The following PCID2 variants were observed in gnomAD, a reference collection of about 807,000 sequenced individuals.
PCID2 encodes PCI domain containing 2.
In PCID2, 41 loss-of-function variants were observed where a neutral mutation model predicts 61.3. The ratio of observed to expected loss-of-function variants is 0.67; its 90% CI spans 0.52 to 0.87. The LOEUF (loss-of-function observed/expected upper bound fraction) is 0.87. Among genes scored for constraint, PCID2 ranks in the 40% least tolerant of loss-of-function variants. The pLI is 0.00. For synonymous variants in PCID2, 187 were observed against 177.8 expected, an observed-to-expected ratio of 1.05 and a Z score of -0.41; for missense variants, 392 against 493.4, an observed-to-expected ratio of 0.79 and a Z score of 1.95.
rs749489503 is a variant in PCID2, at chr13:113,208,581, T to C, written c.36+18A>G. On this transcript the variant is annotated intron_variant, in intron 1 of 13. Transcript: ENST00000337344. ...GAGGGCCAACCACGCCGCCGCGCGCTCCCCGGCTAGGACCCACCTGCTGCA... is the reference window on the plus strand; with the variant it reads ...GAGGGCCAACCACGCCGCCGCGCGCCCCCCGGCTAGGACCCACCTGCTGCA... 1.9e-6 allele frequency: 3 copies of C among 1,606,678 alleles called. No homozygotes were observed. In the East Asian group the frequency reaches 6.7e-5, roughly 36 times the overall value.
rs115217477 is a variant in PCID2, at chr13:113,199,741, C to T, written c.126+686G>A. On this transcript the variant is annotated intron_variant, in intron 2 of 13. Transcript: ENST00000337344. ...GAGCAATGGTTTTCAACACTGTCTA[C>T]ACATAGAATCACCTAGGTAACTTTA... Among the ~76,000 whole-genome samples the T allele has an allele frequency of 7.2e-3, 1,095 of 152,320 alleles. 18 individuals carry two copies. Among genetic ancestry groups the T allele is most frequent in the African/African-American group, 0.025 (1,023 of 41,568 alleles).
chr13:113,171,025 C>T, the PCID2 span, among the ~76,000 whole-genome samples: 1 of 151,922 alleles, frequency 6.6e-6, no homozygotes, highest in Non-Finnish European at 1.5e-5. The surrounding 1 kb of genome is among the most constrained non-coding windows in gnomAD (Gnocchi z 5.1). Context: ...TGGGTTCAAG[C>T]GATTCTCATG....
intron 1 of PCID2, among the ~76,000 whole-genome samples, chr13:113,204,830 A>G (rs2039688043): frequency 6.6e-6 from 1 of 152,226 alleles, no homozygotes. Context: ...GACCCCTAGC[A>G]GCCCAGCCAC....
the PCID2 span, chr13:113,171,766 T>A: frequency 2.5e-6 from 4 of 1,612,234 alleles, no homozygotes; most frequent in East Asian, 8.9e-5. The surrounding 1 kb of genome is among the most constrained non-coding windows in gnomAD (Gnocchi z 5.1). Flanking sequence ...AAGACTTCGC[T>A]GAGCACCTCC....
rs1417761539 is a variant in PCID2 at position 113,185,577 on chromosome 13, T to A, written c.468-17A>T. The A allele has an allele frequency of 5.2e-6, 8 of 1,547,390 alleles. No homozygotes were observed. The South Asian group carries it at 9.1e-5, about 18-fold the overall frequency. Reference sequence around the variant, plus strand: ...CCAGCACGGCTATGGGGAAATAATTTTTTTTAAGTTACATAGGAAATAAAA... The same window carrying A: ...CCAGCACGGCTATGGGGAAATAATTATTTTTAAGTTACATAGGAAATAAAA... On this transcript the variant is annotated splice_polypyrimidine_tract_variant and intron_variant, in intron 7 of 13. Coordinates refer to ENST00000337344, the MANE Select transcript of PCID2 (RefSeq NM_001127202.4).
chr13:113,190,826 A>C (rs906232680), intron 7 of PCID2, 46 bp downstream of exon 7: 3 of 1,181,400 alleles, frequency 2.5e-6, no homozygotes, highest in South Asian at 2.7e-5. Flanking sequence ...TGCAATGAAA[A>C]CACCACCAAC....
At chr13:113,165,877 A>G in the PCID2 span, among the ~76,000 whole-genome samples, 1 of 152,192 alleles carries the variant, frequency 6.6e-6, no homozygotes, top group South Asian at 2.1e-4. Flanking sequence ...TGACACATAA[A>G]CATCCATATT....
chr13:113,190,852 GTCC>G lies in PCID2; in HGVS notation c.467+17_467+19del, dbSNP rs762772855. On this transcript the variant is annotated intron_variant, in intron 7 of 13. Coordinates refer to ENST00000337344, the MANE Select transcript of PCID2 (RefSeq NM_001127202.4). ...CACCACCAACAGCGTCTGGTGGTCG[GTCC>G]TCAAGTCCTTACTCACGTGTCGCTG... 7.3e-6 allele frequency: 11 copies of G among 1,511,548 alleles called. No individual in the cohort carries two copies. In the Admixed American group the frequency reaches 1.9e-4, roughly 26 times the overall value. 93.6% of individuals were successfully genotyped at this position (1,511,548 alleles called of 1,614,324 possible).
rs1566941091 is a variant in PCID2 at position 113,180,018 on chromosome 13, G to GC, written c.884_885insG (p.His295GlnfsTer33). 1.4e-5 allele frequency: 22 copies of GC among 1,613,990 alleles called. No individual in the cohort carries two copies. Among genetic ancestry groups the GC allele is most frequent in the Non-Finnish European group, 1.7e-5 (20 of 1,180,006 alleles). On this transcript the variant is annotated frameshift_variant, in exon 12 of 14. Coordinates refer to ENST00000337344, the MANE Select transcript of PCID2 (RefSeq NM_001127202.4). LOFTEE classifies it high-confidence loss of function. ...AGGCCTCGTGCTTCGCCAGCGCCTC[G>GC]TGCAGCAGCAGCAGGTTGCCCTCGC...
Position 113,198,171 on chromosome 13 carries a change from C to T in PCID2, c.200+20G>A. 6.5e-7 allele frequency: 1 copy of T among 1,532,536 alleles called. No individual in the cohort carries two copies. Among genetic ancestry groups the T allele is most frequent in the Non-Finnish European group, 8.9e-7 (1 of 1,127,684 alleles). The allele number at this position is 1,532,536 out of a possible 1,614,324, so 94.9% of individuals were successfully genotyped here. ...GCAATTTCCAGATGTGTGTGTTTTT[C>T]TTCCTCCCCAACAGATTACCTTAAA... On this transcript the variant is annotated intron_variant, in intron 3 of 13. Transcript: ENST00000337344.
downstream of PCID2, among the ~76,000 whole-genome samples, chr13:113,177,343 G>T (rs2037218070): frequency 6.6e-6 from 1 of 151,458 alleles, no homozygotes; most frequent in Non-Finnish European, 1.5e-5. Context: ...CTCCATGTTG[G>T]TCAGGCTGGT....
intron 9 of PCID2, among the ~76,000 whole-genome samples, chr13:113,181,624 A>G (rs2037646173): frequency 6.6e-6 from 1 of 152,230 alleles, no homozygotes; most frequent in African/African-American, 2.4e-5. Flanking sequence ...CATTTTAATC[A>G]CCCATAATTA....
chr13:113,167,106 C>T, the PCID2 span, among the ~76,000 whole-genome samples: 8 of 152,136 alleles, frequency 5.3e-5, no homozygotes, highest in Non-Finnish European at 1.2e-4. Context: ...AATTAAGTGA[C>T]CTAGCAGGAC....
chr13:113,169,128 A>G, the PCID2 span, among the ~76,000 whole-genome samples: 97 of 152,026 alleles, frequency 6.4e-4, no homozygotes, highest in African/African-American at 2.1e-3. Context: ...TAGCTCAGAG[A>G]TGGTCTGTTC....
the PCID2 span, among the ~76,000 whole-genome samples, chr13:113,170,808 G>A: frequency 6.6e-6 from 1 of 152,028 alleles, no homozygotes. Flanking sequence ...TTGAGCAGTT[G>A]TGGCATAAGA....
intron 1 of PCID2, among the ~76,000 whole-genome samples, chr13:113,201,416 G>A (rs1000818262): frequency 1.3e-5 from 2 of 152,194 alleles, no homozygotes; most frequent in Non-Finnish European, 2.9e-5. Context: ...TGCGCAGAAC[G>A]TCGGGTGGAG....
At chr13:113,200,335 T>C in intron 2 of PCID2, 92 bp downstream of exon 2, 1 of 772,712 alleles carries the variant, frequency 1.3e-6, no homozygotes, top group South Asian at 1.5e-5. Flanking sequence ...ACAATATTAG[T>C]TTTCTTCTTA....
At chr13:113,165,524 CATTT>C in the PCID2 span, among the ~76,000 whole-genome samples, 2 of 152,122 alleles carry the variant, frequency 1.3e-5, no homozygotes, top group African/African-American at 4.8e-5. Flanking sequence ...GTTAACCATT[CATTT>C]GTTTTTGGTT....
chr13:113,200,695 T>TC (rs1170364398), intron 1 of PCID2, 179 bp from the exon 2 acceptor site: 2 of 399,996 alleles, frequency 5.0e-6, no homozygotes, highest in African/African-American at 4.6e-5. Flanking sequence ...AACAATAATT[T>TC]CTTTTTTTTT....
Sources: gnomAD v4.1 joint callset for allele counts (sites outside exome capture counted in the v4.1 genomes callset) on GRCh38, gnomAD v4.1.1 for gene constraint, Gnocchi (gnomAD v3.1) non-coding constraint, MANE v1.5 for transcripts, NCBI Gene and HGNC (gene_info 2026-07-23, HGNC 2026-07-21) for gene names.